FSTL4: variants seen among roughly 807,000 people sequenced by gnomAD.
FSTL4 encodes follistatin-related protein 4.
Under a neutral mutation model 78.2 loss-of-function variants are expected in FSTL4, and 28 were observed. That is an observed-to-expected ratio of 0.36 (90% CI 0.27 to 0.49). The LOEUF is 0.49. Among genes scored for constraint, FSTL4 ranks in the 20% least tolerant of loss-of-function variants. The pLI is 0.98. For synonymous variants in FSTL4, 422 were observed against 440.5 expected (o/e 0.96, Z 0.53); for missense variants, 922 against 1,084.9 (o/e 0.85, Z 2.11).
At chr5:133,506,153 A>G (rs985217151) in intron 3 of FSTL4, among the ~76,000 whole-genome samples, 9 of 152,204 alleles carry the variant, frequency 5.9e-5, no homozygotes, top group Admixed American at 3.3e-4. Flanking sequence ...GTTTTGTAAA[A>G]AAATAACGAC....
chr5:133,797,331 G>A, the FSTL4 span, among the ~76,000 whole-genome samples: 1 of 152,252 alleles, frequency 6.6e-6, no homozygotes, highest in Non-Finnish European at 1.5e-5. Flanking sequence ...GCAAGGCTCT[G>A]TCTAAAATTT....
chr5:133,275,617 C>G (rs966949533), intron 6 of FSTL4: 2 of 151,266 alleles, frequency 1.3e-5, no homozygotes, highest in African/African-American at 4.9e-5. Context: ...TTAAAGCAAG[C>G]ATGGGCCCCT....
intron 3 of FSTL4, among the ~76,000 whole-genome samples, chr5:133,474,174 G>A (rs1561731480): frequency 6.6e-6 from 1 of 152,120 alleles, no homozygotes; most frequent in Non-Finnish European, 1.5e-5. Context: ...CATCTGGGGT[G>A]GCCTCTTGCA....
At chr5:133,726,862 G>A in the FSTL4 span, among the ~76,000 whole-genome samples, 5 of 152,092 alleles carry the variant, frequency 3.3e-5, 1 homozygote, top group African/African-American at 4.8e-5. Context: ...AATTAAGATA[G>A]GCATATCGCC....
At chr5:133,466,686 G>A (rs1049073171) in intron 3 of FSTL4, among the ~76,000 whole-genome samples, 4 of 152,224 alleles carry the variant, frequency 2.6e-5, no homozygotes, top group African/African-American at 9.6e-5. Context: ...CATGACAGGA[G>A]TACAAAGTGA....
In FSTL4 at chr5:133,338,261, G is replaced by T. The variant is rs543196657; in HGVS notation, c.410-21609C>A. ...TATTCCTGTCTGCTCCATGCTTAGAGGCCCTGGTGGGGTGTGCTGACCCAT... is the reference window on the plus strand; with the variant it reads ...TATTCCTGTCTGCTCCATGCTTAGATGCCCTGGTGGGGTGTGCTGACCCAT... On this transcript the variant is annotated intron_variant, in intron 4 of 15. Coordinates refer to ENST00000265342, the MANE Select transcript of FSTL4 (RefSeq NM_015082.2). The surrounding 1 kb of genome is among the most constrained non-coding windows in gnomAD (Gnocchi z 4.0). Among the ~76,000 whole-genome samples the T allele has an allele frequency of 6.6e-6, 1 of 152,262 alleles. No individual in the cohort carries two copies. The highest frequency in any genetic ancestry group is 1.9e-4 in the East Asian group (1 of 5,178).
intron 8 of FSTL4, among the ~76,000 whole-genome samples, chr5:133,227,279 G>A (rs562402722): frequency 8.5e-5 from 13 of 152,358 alleles, no homozygotes; most frequent in Non-Finnish European, 2.9e-5. Context: ...CCTGTCACAA[G>A]TCAGGCCACT....
At chr5:133,250,742 A>G (rs1752203790) in intron 6 of FSTL4, among the ~76,000 whole-genome samples, 1 of 152,274 alleles carries the variant, frequency 6.6e-6, no homozygotes, top group African/African-American at 2.4e-5. Context: ...TGCAAGGCAC[A>G]GCAGAGCAGC....
the FSTL4 span, among the ~76,000 whole-genome samples, chr5:133,674,043 C>T: frequency 6.6e-6 from 1 of 152,144 alleles, no homozygotes; most frequent in Admixed American, 6.5e-5. Flanking sequence ...TTACAGTGCA[C>T]GCTGTGATAC....
rs1252874663 is a variant in FSTL4 at position 133,448,743 on chromosome 5, G to GC, written c.161-47758_161-47757insG. 2.0e-5 allele frequency among the ~76,000 whole-genome samples: 3 copies of GC among 150,040 alleles called. 1 individual carries two copies. The highest frequency in any genetic ancestry group is 1.5e-5 in the Non-Finnish European group (1 of 67,448). On this transcript the variant is annotated intron_variant, in intron 3 of 15. Coordinates refer to ENST00000265342, the MANE Select transcript of FSTL4 (RefSeq NM_015082.2). ...GAATCCCCAGGGGTGCGGGGGCGGG[G>GC]GGGGGGGGCGCTCAGAATTTTCCGC...
intron 3 of FSTL4, among the ~76,000 whole-genome samples, chr5:133,415,012 C>G (rs1430682489): frequency 5.3e-5 from 8 of 152,254 alleles, no homozygotes; most frequent in African/African-American, 1.9e-4. Context: ...CCAAACCCAA[C>G]TTAGAAGCCC....
the FSTL4 span, among the ~76,000 whole-genome samples, chr5:133,686,985 C>T: frequency 0.018 from 2,761 of 152,200 alleles, 99 homozygotes; most frequent in African/African-American, 0.062. Context: ...AGATGTTCCC[C>T]GGGTGAAGGA....
chr5:133,416,095 T>C (rs906806233), intron 3 of FSTL4, among the ~76,000 whole-genome samples: 1 of 152,188 alleles, frequency 6.6e-6, no homozygotes, highest in African/African-American at 2.4e-5. Context: ...AAATGGTTTG[T>C]TCCAGGGAAG....
intron 1 of FSTL4, among the ~76,000 whole-genome samples, chr5:133,608,160 G>A (rs1267638132): frequency 6.6e-6 from 1 of 152,160 alleles, no homozygotes; most frequent in East Asian, 1.9e-4. Flanking sequence ...TTTAAACCTA[G>A]AGCTCCTTTT....
At chr5:133,439,936 C>T (rs1390367561) in intron 3 of FSTL4, among the ~76,000 whole-genome samples, 3 of 152,248 alleles carry the variant, frequency 2.0e-5, no homozygotes, top group South Asian at 2.1e-4. Context: ...TTATTCAGGG[C>T]GTGGACACCC....
chr5:133,559,581 C>A (rs1400488609), intron 3 of FSTL4, among the ~76,000 whole-genome samples: 1 of 152,170 alleles, frequency 6.6e-6, no homozygotes, highest in East Asian at 1.9e-4. Context: ...GGGGTCATGA[C>A]CTCTTCGACA....
At position 133,281,402 on chromosome 5, in the gene FSTL4, C is replaced by T. The variant is rs137875547; in HGVS notation, c.727+31252G>A. On this transcript the variant is annotated intron_variant, in intron 6 of 15. Coordinates refer to ENST00000265342, the MANE Select transcript of FSTL4 (RefSeq NM_015082.2). ...CTGACATTCCCTGAGCACCCTGCCT[C>T]GCACTCTGCTAAGCCCTTTACACAC... Among the ~76,000 whole-genome samples, 863 of 152,262 alleles carry T rather than the reference C, an allele frequency of 5.7e-3. 6 individuals are homozygous for T. Among genetic ancestry groups the T allele is most frequent in the Non-Finnish European group, 0.01 (686 of 68,004 alleles).
chr5:133,481,296 T>C (rs185432378), intron 3 of FSTL4, among the ~76,000 whole-genome samples: 2 of 152,264 alleles, frequency 1.3e-5, no homozygotes, highest in African/African-American at 4.8e-5. Context: ...ATCCCAGCAC[T>C]TGGGGAGGCT....
At chr5:133,227,301 A>G (rs1294448036) in intron 8 of FSTL4, among the ~76,000 whole-genome samples, 1 of 152,188 alleles carries the variant, frequency 6.6e-6, no homozygotes, top group Non-Finnish European at 1.5e-5. Flanking sequence ...GGGGTGGAGG[A>G]GGTCCACGGA....
Sources: gnomAD v4.1 joint callset for allele counts (sites outside exome capture counted in the v4.1 genomes callset) on GRCh38, gnomAD v4.1.1 for gene constraint, Gnocchi (gnomAD v3.1) non-coding constraint, MANE v1.5 for transcripts, NCBI Gene and HGNC (gene_info 2026-07-23, HGNC 2026-07-21) for gene names.